CDH23: variants seen among roughly 807,000 people sequenced by gnomAD.
CDH23 encodes the protein cadherin-23.
CDH23 carries 189 observed loss-of-function variants against 317.1 expected under a neutral mutation model. The observed-to-expected ratio is 0.60, with a 90% CI of 0.53 to 0.67. The LOEUF (loss-of-function observed/expected upper bound fraction) is 0.67. CDH23 is among the 30% of genes least tolerant of loss of function. The pLI is 0.00. For missense variants in CDH23, 4,401 were observed against 4,592.4 expected (o/e 0.96, Z 1.20); for synonymous variants, 1,839 against 1,876.8 (o/e 0.98, Z 0.52).
chr10:71,566,900 G>A lies in CDH23; in HGVS notation c.588G>A (p.Glu196=), dbSNP rs886047129. 68 of 1,613,686 alleles carry A rather than the reference G, an allele frequency of 4.2e-5. No homozygotes were observed. Among genetic ancestry groups the A allele is most frequent in the Non-Finnish European group, 5.6e-5 (66 of 1,179,892 alleles). Residue 196 remains glutamate (E), a synonymous_variant, in exon 7 of 70, where the codon GAG becomes GAA. Coordinates refer to ENST00000224721, the MANE Select transcript of CDH23 (RefSeq NM_022124.6). ...CAGTGATCCGGGAGCTGGACTACGA[G>A]ACCACACAGGCCTACCAGCTCACGG... ...IVTVIRELDY[E]TTQAYQLTVN...
chr10:71,466,199 A>G (rs1011912841), intron 3 of CDH23, among the ~76,000 whole-genome samples: 1 of 152,078 alleles, frequency 6.6e-6, no homozygotes, highest in Non-Finnish European at 1.5e-5. Flanking sequence ...GTGCATGTGC[A>G]CACGTGTGTA....
rs1057520662 is a variant in CDH23, at chr10:71,803,076, G to T, written c.7660+1G>T. The T allele has an allele frequency of 6.4e-7, 1 of 1,553,766 alleles. No individual in the cohort carries two copies. The highest frequency in any genetic ancestry group is 8.8e-7 in the Non-Finnish European group (1 of 1,140,016). ...TACTCACTTGAGGGCCCTGGCGTGG[G>T]TATGTGGCCTTCCTTGGACACCCAT... On this transcript the variant is annotated splice_donor_variant, in intron 54 of 69. Transcript: ENST00000224721. LOFTEE classifies it high-confidence loss of function.
At chr10:71,419,578 T>G (rs1181985283) in intron 1 of CDH23, among the ~76,000 whole-genome samples, 1 of 152,226 alleles carries the variant, frequency 6.6e-6, no homozygotes, top group Non-Finnish European at 1.5e-5. Context: ...TTTTTGAGCA[T>G]GCAGAAAGGT....
At chr10:71,458,425 A>G (rs922626406) in intron 3 of CDH23, among the ~76,000 whole-genome samples, 10 of 152,258 alleles carry the variant, frequency 6.6e-5, no homozygotes, top group African/African-American at 2.4e-4. Context: ...GACCACAGGC[A>G]AGTCCCTTAA....
In CDH23 at chr10:71,734,351, A is replaced by T. The variant is rs1268515564; in HGVS notation, c.4206+10A>T. 6.2e-7 allele frequency: 1 copy of T among 1,600,118 alleles called. No homozygotes were observed. Among genetic ancestry groups the T allele is most frequent in the Non-Finnish European group, 8.5e-7 (1 of 1,172,898 alleles). On this transcript the variant is annotated intron_variant, in intron 33 of 69. Coordinates refer to ENST00000224721, the MANE Select transcript of CDH23 (RefSeq NM_022124.6). Reference sequence around the variant, plus strand: ...GGTGGACTCCACCGTGGTGAGTGGGACCAGGGTGAGAGTCCCTCAGGTGCG... The same window carrying T: ...GGTGGACTCCACCGTGGTGAGTGGGTCCAGGGTGAGAGTCCCTCAGGTGCG...
chr10:71,791,117 G>T lies in CDH23; in HGVS notation c.6050-15G>T. On this transcript the variant is annotated splice_polypyrimidine_tract_variant and intron_variant, in intron 46 of 69. Transcript: ENST00000224721. ...TTTTCTGTGTGTTTCCCTGGCTGGC[G>T]GCACCGGGTGCCAGGTGTGGTGACC... The T allele has an allele frequency of 6.3e-7, 1 of 1,593,098 alleles. No individual in the cohort carries two copies.
At chr10:71,742,620 A>G (rs148362853) in intron 38 of CDH23, among the ~76,000 whole-genome samples, 174 of 152,360 alleles carry the variant, frequency 1.1e-3, no homozygotes, top group African/African-American at 3.9e-3. Context: ...TGAGCAAGTC[A>G]GAACCTCTCA....
chr10:71,556,183 A>G (rs877783), intron 6 of CDH23, among the ~76,000 whole-genome samples: 52,005 of 152,022 alleles, frequency 0.34, 9,424 homozygotes, highest in East Asian at 0.62. Flanking sequence ...TGAGACTATC[A>G]TGATGGTCAA....
chr10:71,675,669 G>C (rs1227050), intron 15 of CDH23, among the ~76,000 whole-genome samples: 143,545 of 152,250 alleles, frequency 0.94, 67,742 homozygotes, highest in East Asian at 1. Flanking sequence ...TCCAAAGTCA[G>C]ACAGCTATAA....
chr10:71,470,724 G>A (rs1004028719), intron 3 of CDH23, among the ~76,000 whole-genome samples: 2 of 152,052 alleles, frequency 1.3e-5, no homozygotes, highest in East Asian at 1.9e-4. Flanking sequence ...CTCCTGGGCT[G>A]AAGTGATCCT....
chr10:71,789,023 G>A lies in CDH23; in HGVS notation c.5904G>A (p.Val1968=), dbSNP rs1425427267. ...CTAAAAGCACCTACCAGGCAGAGGT[G>A]ATGGAAAACTCTCCCGCTGGTAGGT... The part of the protein sequence containing the change: ...LFTKSTYQAE[V]MENSPAGTPL... Residue 1968 remains valine, a synonymous_variant, in exon 45 of 70, where the codon GTG becomes GTA. Transcript: ENST00000224721. The A allele has an allele frequency of 1.3e-6, 2 of 1,576,358 alleles. No homozygotes were observed. The highest frequency in any genetic ancestry group is 3.3e-5 in the Admixed American group (2 of 59,982).
At chr10:71,616,952 C>T (rs1432874606) in intron 10 of CDH23, among the ~76,000 whole-genome samples, 1 of 152,216 alleles carries the variant, frequency 6.6e-6, no homozygotes, top group Non-Finnish European at 1.5e-5. Context: ...TCCTAGGATC[C>T]TACTACCTGA....
chr10:71,686,411 A>T (rs978743899), intron 18 of CDH23, among the ~76,000 whole-genome samples: 1 of 152,086 alleles, frequency 6.6e-6, no homozygotes, highest in Non-Finnish European at 1.5e-5. Flanking sequence ...CCAGGGTGCC[A>T]TCCAGAGCCA....
intron 30 of CDH23, among the ~76,000 whole-genome samples, chr10:71,728,550 G>A (rs1030582210): frequency 6.6e-6 from 1 of 152,210 alleles, no homozygotes; most frequent in South Asian, 2.1e-4. Context: ...GCTGATCCCA[G>A]AGGCAGTGAC....
intron 48 of CDH23, 65 bp from the exon 49 acceptor site, chr10:71,797,039 C>A (rs906347013): frequency 3.8e-6 from 4 of 1,043,606 alleles, no homozygotes; most frequent in African/African-American, 1.6e-5. Flanking sequence ...GCCAGGAGCA[C>A]CCCTGGGAAG....
rs190505850 is a variant in CDH23, at chr10:71,532,328, C to T, written c.429+21116C>T. Among the ~76,000 whole-genome samples, 181 of 152,354 alleles carry T rather than the reference C, an allele frequency of 1.2e-3. 1 individual carries two copies. The highest frequency in any genetic ancestry group is 1.9e-3 in the Non-Finnish European group (126 of 68,030). On this transcript the variant is annotated intron_variant, in intron 6 of 69. Coordinates refer to ENST00000224721, the MANE Select transcript of CDH23 (RefSeq NM_022124.6). ...CTGCTCTCCGCCAGCCTCCTGGCTG[C>T]GTCTAAGGGAGAGAGCGCCTGCAAC...
chr10:71,637,008 T>G (rs1450137196), intron 11 of CDH23, among the ~76,000 whole-genome samples: 1 of 152,024 alleles, frequency 6.6e-6, no homozygotes, highest in Non-Finnish European at 1.5e-5. Flanking sequence ...CAGAGAGACT[T>G]AGCACCCCCC....
intron 14 of CDH23, among the ~76,000 whole-genome samples, chr10:71,660,328 C>T (rs1487658642): frequency 1.3e-5 from 2 of 152,112 alleles, no homozygotes; most frequent in African/African-American, 4.8e-5. Flanking sequence ...CAACAGAGAC[C>T]CCAAAAACAG....
intron 30 of CDH23, among the ~76,000 whole-genome samples, chr10:71,727,453 G>T (rs1866867060): frequency 6.6e-6 from 1 of 152,240 alleles, no homozygotes; most frequent in Non-Finnish European, 1.5e-5. Context: ...AGACCCGGGA[G>T]AGCTGGGGGC....
Sources: gnomAD v4.1 joint callset for allele counts (sites outside exome capture counted in the v4.1 genomes callset) on GRCh38, gnomAD v4.1.1 for gene constraint, MANE v1.5 for transcripts, NCBI Gene and HGNC (gene_info 2026-07-23, HGNC 2026-07-21) for gene names.